Variants in ARFGAP3 observed in about 807,000 individuals in gnomAD.
The protein encoded by ARFGAP3 is ADP-ribosylation factor GTPase-activating protein 3.
A neutral mutation model predicts 75.0 loss-of-function variants in ARFGAP3; 72 were observed. That is an observed-to-expected ratio of 0.96 (90% CI 0.79 to 1.17). The LOEUF (loss-of-function observed/expected upper bound fraction) is 1.17, where lower values mean the gene tolerates loss of function less well. ARFGAP3 is among the 50% of genes most tolerant of loss of function. The pLI is 0.00. For synonymous variants in ARFGAP3, 221 were observed against 217.9 expected, an observed-to-expected ratio of 1.01 and a Z score of -0.13; for missense variants, 620 against 626.6, an observed-to-expected ratio of 0.99 and a Z score of 0.11.
intron 14 of ARFGAP3, among the ~76,000 whole-genome samples, chr22:42,802,624 T>A (rs1308240438): frequency 1.8e-5 from 2 of 112,806 alleles, no homozygotes. Flanking sequence ...TTTTTTGAGA[T>A]GGAGTCTTGC....
At chr22:42,827,429 C>T (rs1270449429) in intron 6 of ARFGAP3, among the ~76,000 whole-genome samples, 2 of 152,160 alleles carry the variant, frequency 1.3e-5, no homozygotes, top group Non-Finnish European at 2.9e-5. Context: ...TGCAATGGCA[C>T]GATCTCGGCT....
chr22:42,841,486 C>G (rs957229659), intron 2 of ARFGAP3, among the ~76,000 whole-genome samples: 2 of 152,162 alleles, frequency 1.3e-5, no homozygotes, highest in African/African-American at 4.8e-5. Context: ...GGAAAAAACA[C>G]AAGATTTCAT....
At chr22:42,799,595 C>G (rs1322278257) in intron 14 of ARFGAP3, among the ~76,000 whole-genome samples, 1 of 152,224 alleles carries the variant, frequency 6.6e-6, no homozygotes, top group Non-Finnish European at 1.5e-5. Context: ...CCTCCAGGAA[C>G]CACCTCTCCC....
chr22:42,817,398 A>AT (rs35542917), intron 10 of ARFGAP3, 134 bp from the exon 11 acceptor site: 1,620 of 1,248,166 alleles, frequency 1.3e-3, no homozygotes, highest in Middle Eastern at 2.9e-3. Context: ...CAATAAAACA[A>AT]TTTTTTTTTC....
chr22:42,847,491 C>A lies in ARFGAP3; in HGVS notation c.188+23G>T, dbSNP rs368799919. 76 of 1,579,682 alleles carry A rather than the reference C, an allele frequency of 4.8e-5. No individual in the cohort carries two copies. In the African/African-American group the frequency reaches 8.1e-4, roughly 17 times the overall value. ...ATGTAACAATGTAATCAATCTCACC[C>A]CAATGAGAGAAGATTCACTTACCGA... On this transcript the variant is annotated intron_variant, in intron 2 of 15. Coordinates refer to ENST00000263245, the MANE Select transcript of ARFGAP3 (RefSeq NM_014570.5).
intron 6 of ARFGAP3, 96 bp from the exon 7 acceptor site, chr22:42,827,095 AT>A: frequency 7.3e-7 from 1 of 1,371,428 alleles, no homozygotes; most frequent in African/African-American, 1.6e-5. Context: ...GCTACATCTT[AT>A]CCAATTTTGT....
In ARFGAP3 at chr22:42,831,590, AAAG is replaced by A; in HGVS notation, c.521_523del (p.Ser174del). The A allele has an allele frequency of 1.2e-6, 2 of 1,613,942 alleles. No individual in the cohort carries two copies. The highest frequency in any genetic ancestry group is 1.7e-6 in the Non-Finnish European group (2 of 1,179,932). On this transcript the variant is annotated inframe_deletion, in exon 6 of 16. Coordinates refer to ENST00000263245, the MANE Select transcript of ARFGAP3 (RefSeq NM_014570.5). ...AGTGGTTTCCACAGGCCTTGATGTT[AAAG>A]AAGATGGTTCTGCTATTGCTGATGC...
At chr22:42,846,992 A>G (rs1435153564) in intron 2 of ARFGAP3, among the ~76,000 whole-genome samples, 2 of 152,206 alleles carry the variant, frequency 1.3e-5, no homozygotes, top group Non-Finnish European at 2.9e-5. Flanking sequence ...TGTAGAGTCC[A>G]GAGGCAGCAT....
intron 12 of ARFGAP3, 41 bp from the exon 13 acceptor site, chr22:42,808,931 G>C: frequency 1.3e-6 from 2 of 1,531,366 alleles, no homozygotes; most frequent in Non-Finnish European, 1.8e-6. Flanking sequence ...ACTAATTTGA[G>C]GTGAAGCAAA....
At chr22:42,837,011 C>G (rs1352867355) in intron 3 of ARFGAP3, among the ~76,000 whole-genome samples, 3 of 152,226 alleles carry the variant, frequency 2.0e-5, no homozygotes, top group Non-Finnish European at 2.9e-5. Context: ...GTCCCCCAAC[C>G]CCTGATGGCT....
chr22:42,846,038 C>CAAAAAA (rs60266541), intron 2 of ARFGAP3, among the ~76,000 whole-genome samples: 23 of 87,964 alleles, frequency 2.6e-4, no homozygotes, highest in East Asian at 2.1e-3. Flanking sequence ...AACTCCATCT[C>CAAAAAA]AAAAAAAAAA....
chr22:42,840,992 C>G lies in ARFGAP3; in HGVS notation c.213G>C (p.Trp71Cys). 6.2e-7 allele frequency: 1 copy of G among 1,614,112 alleles called. No homozygotes were observed. Among genetic ancestry groups the G allele is most frequent in the Non-Finnish European group, 8.5e-7 (1 of 1,179,986 alleles). Reference protein sequence around the residue: ...FIRSTELDSNWSWFQLRCMQV... With the variant: ...FIRSTELDSNCSWFQLRCMQV... ...GCATGCATCGCAACTGAAACCATGA[C>G]CAGTTGGAATCCAACTCTGTAGATC... Residue 71 changes from tryptophan (W) to cysteine (C), a missense_variant, in exon 3 of 16, where the codon TGG (tryptophan) becomes TGC (cysteine). Transcript: ENST00000263245.
chr22:42,808,375 G>T (rs1239989824), intron 13 of ARFGAP3, among the ~76,000 whole-genome samples: 2 of 149,548 alleles, frequency 1.3e-5, no homozygotes, highest in East Asian at 4.1e-4. Context: ...TCCAGCCTGG[G>T]TGACAGAAGG....
chr22:42,850,263 G>GAA (rs968969315), intron 1 of ARFGAP3, among the ~76,000 whole-genome samples: 1 of 149,934 alleles, frequency 6.7e-6, no homozygotes, highest in Admixed American at 6.6e-5. Context: ...CTTTTTGCAG[G>GAA]AAAAAAAAAT....
chr22:42,836,329 T>G (rs765145623), intron 3 of ARFGAP3, among the ~76,000 whole-genome samples: 1 of 152,058 alleles, frequency 6.6e-6, no homozygotes, highest in African/African-American at 2.4e-5. Context: ...TGGAGGGTAG[T>G]GTGGCATGAT....
chr22:42,828,416 A>C (rs1926138193), intron 6 of ARFGAP3, among the ~76,000 whole-genome samples: 1 of 151,190 alleles, frequency 6.6e-6, no homozygotes. Context: ...ATTAGCCAGG[A>C]GTGGTGGCAC....
At chr22:42,845,484 C>G (rs1171955875) in intron 2 of ARFGAP3, among the ~76,000 whole-genome samples, 2 of 148,136 alleles carry the variant, frequency 1.4e-5, no homozygotes, top group Admixed American at 1.4e-4. Flanking sequence ...CAAGATCGTG[C>G]CACTGCACCC....
Position 42,810,863 on chromosome 22 carries a change from CT to C in ARFGAP3, c.1145del (p.Glu382GlyfsTer10), listed in dbSNP as rs1339469757. ...GAACTGTTTCAGTATCTTTGCTGGT[CT>C]CTTTTTTCCAATAGGAATCTGAACT... Reference protein sequence around the residue: ...DDSSDSYWKKETSKDTETVLK... With the variant: ...DDSSDSYWKKXTSKDTETVLK... On this transcript the variant is annotated frameshift_variant, in exon 12 of 16. Coordinates refer to ENST00000263245, the MANE Select transcript of ARFGAP3 (RefSeq NM_014570.5). LOFTEE classifies it high-confidence loss of function. The C allele has an allele frequency of 1.2e-6, 2 of 1,614,070 alleles. No homozygotes were observed. Among genetic ancestry groups the C allele is most frequent in the Non-Finnish European group, 1.7e-6 (2 of 1,180,036 alleles).
chr22:42,819,509 C>T (rs1489873682), intron 9 of ARFGAP3, among the ~76,000 whole-genome samples: 1 of 152,184 alleles, frequency 6.6e-6, no homozygotes, highest in Non-Finnish European at 1.5e-5. Flanking sequence ...AGTCAGAACA[C>T]CGCGTTTCTC....
Sources: allele counts gnomAD v4.1 joint callset (sites outside exome capture counted in the v4.1 genomes callset), GRCh38; gene constraint gnomAD v4.1.1; transcripts MANE v1.5; gene names NCBI Gene and HGNC (gene_info 2026-07-23, HGNC 2026-07-21).